Variants in TRPM3 observed in about 807,000 individuals in gnomAD.
TRPM3 encodes the protein transient receptor potential cation channel subfamily M member 3.
In TRPM3, 77 loss-of-function variants were observed where a neutral mutation model predicts 181.2. That is an observed-to-expected ratio of 0.42 (90% CI 0.35 to 0.51). The LOEUF is 0.51. Ranked by LOEUF, TRPM3 falls within the 20% of genes least tolerant of loss-of-function variation. The pLI is 0.01. For missense variants in TRPM3, 1,759 were observed against 2,196.7 expected, an observed-to-expected ratio of 0.80 and a Z score of 3.98; for synonymous variants, 745 against 796.4, an observed-to-expected ratio of 0.94 and a Z score of 1.09.
intron 1 of TRPM3, among the ~76,000 whole-genome samples, chr9:71,217,089 T>G (rs1389845481): frequency 6.6e-6 from 1 of 151,240 alleles, no homozygotes; most frequent in Non-Finnish European, 1.5e-5. Context: ...TAGCTGGGAC[T>G]ACAGGCGCCC....
intron 1 of TRPM3, among the ~76,000 whole-genome samples, chr9:71,118,649 C>T (rs1011741372): frequency 1.3e-5 from 2 of 152,082 alleles, no homozygotes; most frequent in Non-Finnish European, 1.5e-5. Flanking sequence ...GAGGGCAGGT[C>T]ATATTAGAAC....
intron 1 of TRPM3, among the ~76,000 whole-genome samples, chr9:71,001,609 C>G (rs562723411): frequency 4.6e-4 from 70 of 152,226 alleles, no homozygotes; most frequent in Admixed American, 2.3e-3. Flanking sequence ...AAAAGAAAAC[C>G]ACTCCTTAGT....
intron 18 of TRPM3, among the ~76,000 whole-genome samples, chr9:70,612,746 A>T (rs1280281483): frequency 6.6e-6 from 1 of 152,224 alleles, no homozygotes; most frequent in Non-Finnish European, 1.5e-5. Context: ...AATTCTATAA[A>T]TATTGATCAT....
At chr9:71,076,323 A>G (rs189131882) in intron 1 of TRPM3, among the ~76,000 whole-genome samples, 1 of 152,214 alleles carries the variant, frequency 6.6e-6, no homozygotes, top group African/African-American at 2.4e-5. Flanking sequence ...ATTTACTAGC[A>G]TATTACTGAA....
intron 22 of TRPM3, among the ~76,000 whole-genome samples, chr9:70,590,741 A>G (rs968623684): frequency 5.3e-5 from 8 of 150,806 alleles, no homozygotes; most frequent in Non-Finnish European, 1.2e-4. Flanking sequence ...AGTTTGAATC[A>G]TAAAGTAATT....
chr9:70,747,588 G>A (rs529446676), intron 8 of TRPM3, among the ~76,000 whole-genome samples: 1 of 152,238 alleles, frequency 6.6e-6, no homozygotes, highest in South Asian at 2.1e-4. Context: ...ACCACTGCCT[G>A]TGGGTCAAAT....
chr9:70,566,531 G>A (rs148530547), intron 22 of TRPM3, among the ~76,000 whole-genome samples: 53 of 152,266 alleles, frequency 3.5e-4, no homozygotes, highest in African/African-American at 1.2e-3. Flanking sequence ...ACAGTAAGGC[G>A]TTATTATTTA....
intron 1 of TRPM3, among the ~76,000 whole-genome samples, chr9:70,914,114 C>T (rs2096566307): frequency 6.6e-6 from 1 of 152,228 alleles, no homozygotes; most frequent in South Asian, 2.1e-4. Flanking sequence ...AGGTTAGGTC[C>T]TTTTGGAGGT....
intron 1 of TRPM3, among the ~76,000 whole-genome samples, chr9:71,120,099 A>G (rs1223167488): frequency 6.6e-6 from 1 of 152,180 alleles, no homozygotes; most frequent in Admixed American, 6.5e-5. Flanking sequence ...AATCTTACCT[A>G]ACCAGAACAC....
At chr9:71,224,810 T>C (rs1391024406) in intron 1 of TRPM3, among the ~76,000 whole-genome samples, 4 of 148,758 alleles carry the variant, frequency 2.7e-5, no homozygotes, top group Non-Finnish European at 5.9e-5. Flanking sequence ...AAAAGAAAAA[T>C]GCAACTGGCA....
chr9:71,069,484 T>C (rs1463301942), intron 1 of TRPM3, among the ~76,000 whole-genome samples: 1 of 149,544 alleles, frequency 6.7e-6, no homozygotes, highest in Non-Finnish European at 1.5e-5. Context: ...GCCAAGAATG[T>C]GTAATTGTGT....
chr9:70,980,392 C>T (rs1384647988), intron 1 of TRPM3, among the ~76,000 whole-genome samples: 2 of 150,836 alleles, frequency 1.3e-5, no homozygotes, highest in Non-Finnish European at 2.9e-5. Context: ...GAGAGAGAGG[C>T]GAAGGAGGCC....
At chr9:70,685,104 A>T (rs1026312943) in intron 8 of TRPM3, among the ~76,000 whole-genome samples, 1 of 152,190 alleles carries the variant, frequency 6.6e-6, no homozygotes, top group East Asian at 1.9e-4. Context: ...TTTCTAGATA[A>T]TCGAGCATTT....
In TRPM3 at chr9:71,146,825, C is replaced by T. The variant is rs374701407; in HGVS notation, c.184-282314G>A. Among the ~76,000 whole-genome samples the T allele has an allele frequency of 7.9e-5, 12 of 152,288 alleles. No homozygotes were observed. The East Asian group carries it at 2.3e-3, about 29-fold the overall frequency. On this transcript the variant is annotated intron_variant, in intron 1 of 24. Coordinates refer to the TRPM3 transcript ENST00000357533. Reference sequence around the variant, plus strand: ...ATACCACTTACCTGATTTCTCCAAACTTTGACCATAGTGATTGGTTCAGCA... The same window carrying T: ...ATACCACTTACCTGATTTCTCCAAATTTTGACCATAGTGATTGGTTCAGCA...
At chr9:71,066,627 T>C (rs926851313) in intron 1 of TRPM3, among the ~76,000 whole-genome samples, 1 of 152,200 alleles carries the variant, frequency 6.6e-6, no homozygotes, top group African/African-American at 2.4e-5. Context: ...TTCATGTTGC[T>C]GTATAATTAA....
At chr9:71,211,142 G>A (rs1333030955) in intron 1 of TRPM3, among the ~76,000 whole-genome samples, 2 of 152,048 alleles carry the variant, frequency 1.3e-5, no homozygotes, top group African/African-American at 4.8e-5. Context: ...TTAGAAATCA[G>A]ACAGGTAGAA....
At chr9:71,228,291 A>T (rs745373858) in intron 1 of TRPM3, among the ~76,000 whole-genome samples, 15 of 152,284 alleles carry the variant, frequency 9.9e-5, no homozygotes, top group Non-Finnish European at 2.1e-4. Flanking sequence ...TCGCTTCATG[A>T]TAAAACTCCA....
chr9:70,985,037 G>A (rs2097405102), intron 1 of TRPM3, among the ~76,000 whole-genome samples: 1 of 152,088 alleles, frequency 6.6e-6, no homozygotes, highest in South Asian at 2.1e-4. Flanking sequence ...CAGATGATAT[G>A]GAGTACCAAA....
intron 8 of TRPM3, among the ~76,000 whole-genome samples, chr9:70,695,303 A>T (rs554473036): frequency 6.6e-6 from 1 of 152,338 alleles, no homozygotes; most frequent in East Asian, 1.9e-4. Context: ...TGAAATAAGG[A>T]TGACTCTATC....
Sources: gnomAD v4.1 joint callset for allele counts (sites outside exome capture counted in the v4.1 genomes callset) on GRCh38, gnomAD v4.1.1 for gene constraint, MANE v1.5 for transcripts, NCBI Gene and HGNC (gene_info 2026-07-23, HGNC 2026-07-21) for gene names.